Variants in NRAP observed in about 807,000 individuals in gnomAD.
NRAP encodes the protein nebulin related anchoring protein, also known as nebulin-related-anchoring protein.
In NRAP, 189 loss-of-function variants were observed where a neutral mutation model predicts 225.9. The ratio of observed to expected loss-of-function variants is 0.84; its 90% CI spans 0.74 to 0.94. The LOEUF (loss-of-function observed/expected upper bound fraction) is 0.94. Ranked by LOEUF, NRAP falls within the 40% of genes least tolerant of loss-of-function variation. The probability of loss-of-function intolerance (pLI) is 0.00; values close to 1 mark genes in which losing one functional copy is unlikely to be tolerated. For synonymous variants in NRAP, 769 were observed against 790.7 expected (o/e 0.97, Z 0.46); for missense variants, 2,176 against 2,168.7 (o/e 1.00, Z -0.07).
At chr10:113,589,286 C>T (rs1845788968) in intron 41 of NRAP, 1 of 586,120 alleles carries the variant, frequency 1.7e-6, no homozygotes, top group Non-Finnish European at 3.0e-6. Flanking sequence ...TTAGACCTGG[C>T]TTCTTTCTTC....
At chr10:113,621,737 C>A (rs529783356) in intron 24 of NRAP, 132 bp downstream of exon 24, 4 of 781,472 alleles carry the variant, frequency 5.1e-6, no homozygotes, top group Non-Finnish European at 8.2e-6. Context: ...TAAAGTGTTG[C>A]CACTTAGGGA....
rs751450844 is a variant in NRAP at position 113,617,572 on chromosome 10, T to C, written c.2875-19A>G. ...ACTTCTTCTGTTGAGCAGAAAAAGA[T>C]CAAAGCTGTGAATTTTGTGCTGCTC... On this transcript the variant is annotated intron_variant, in intron 25 of 41. Coordinates refer to ENST00000359988, the MANE Select transcript of NRAP (RefSeq NM_198060.4). 25 of 1,469,828 alleles carry C rather than the reference T, an allele frequency of 1.7e-5. No individual in the cohort carries two copies. Among genetic ancestry groups the C allele is most frequent in the Non-Finnish European group, 2.1e-5 (22 of 1,048,426 alleles). The allele number at this position is 1,469,828 out of a possible 1,614,324, so 91.0% of individuals were successfully genotyped here.
intron 35 of NRAP, among the ~76,000 whole-genome samples, chr10:113,604,313 C>T (rs1046461048): frequency 7.9e-5 from 12 of 152,076 alleles, no homozygotes; most frequent in Admixed American, 1.3e-4. Context: ...GACGGGGTTT[C>T]GCCATGTTGG....
Position 113,634,094 on chromosome 10 carries a change from G to A in NRAP, c.1527+18C>T. The A allele has an allele frequency of 6.4e-7, 1 of 1,563,910 alleles. No homozygotes were observed. The highest frequency in any genetic ancestry group is 8.8e-7 in the Non-Finnish European group (1 of 1,134,422). On this transcript the variant is annotated intron_variant, in intron 15 of 41. Transcript: ENST00000359988. ...TTTCAAGACCCCTACATCCAGCTGG[G>A]CAGGGACAGTTACTTACATGACTCA...
chr10:113,641,312 C>A lies in NRAP; in HGVS notation c.1323+53G>T, dbSNP rs1229891316. 6 of 1,075,208 alleles carry A rather than the reference C, an allele frequency of 5.6e-6. No homozygotes were observed. In the African/African-American group the frequency reaches 8.0e-5, roughly 14 times the overall value. The allele number at this position is 1,075,208 out of a possible 1,614,324, so 66.6% of individuals were successfully genotyped here. On this transcript the variant is annotated intron_variant, in intron 13 of 41. Coordinates refer to ENST00000359988, the MANE Select transcript of NRAP (RefSeq NM_198060.4). ...GAATTTAAAAAGAATTGGCTGAATT[C>A]TTCATGCCCTGCCCCACTCCATCCC...
rs1204262000 is a variant in NRAP, at chr10:113,663,983, T to A, written c.-101A>T. 8.0e-6 allele frequency: 7 copies of A among 876,668 alleles called. No individual in the cohort carries two copies. Among genetic ancestry groups the A allele is most frequent in the Non-Finnish European group, 1.1e-5 (6 of 525,546 alleles). 54.3% of individuals were successfully genotyped at this position (876,668 alleles called of 1,614,324 possible). The stretch of plus-strand genomic sequence containing the variant: ...TCTTCAAAATCCGACGACCATAAAA[T>A]TCCTGTGGGCACCTCGATCTTTCAG... On this transcript the variant is annotated 5_prime_UTR_variant, in exon 1 of 42. Coordinates refer to ENST00000359988, the MANE Select transcript of NRAP (RefSeq NM_198060.4).
At chr10:113,616,230 G>A (rs746255239) in intron 26 of NRAP, among the ~76,000 whole-genome samples, 10 of 152,078 alleles carry the variant, frequency 6.6e-5, no homozygotes, top group Admixed American at 2.0e-4. Flanking sequence ...ATCCTCCTCC[G>A]TTCCCCCGTC....
rs772110856 is a variant in NRAP, at chr10:113,633,125, G to A, written c.1591C>T (p.Gln531Ter). Residue 531 changes from glutamine to a stop codon, truncating the protein, a stop_gained, in exon 16 of 42, where the codon CAG (glutamine) becomes TAG (stop). Coordinates refer to ENST00000359988, the MANE Select transcript of NRAP (RefSeq NM_198060.4). LOFTEE classifies it high-confidence loss of function. ...GCATTGGTTTTGGCCTTCACCAGCT[G>A]AGGAACATCCTGGGGCAATGTGTAA... ...LNYTLPQDVPQLVKAKTNAKL... is the reference protein window; with the variant it reads ...LNYTLPQDVP The A allele has an allele frequency of 6.8e-6, 11 of 1,609,564 alleles. No homozygotes were observed. The Admixed American group carries it at 1.0e-4, about 15-fold the overall frequency.
intron 38 of NRAP, among the ~76,000 whole-genome samples, chr10:113,592,822 A>G (rs1846068784): frequency 6.6e-6 from 1 of 151,850 alleles, no homozygotes; most frequent in Non-Finnish European, 1.5e-5. Flanking sequence ...TCTCATATAC[A>G]CCCCTGGTGC....
At chr10:113,609,339 T>C (rs966591961) in intron 31 of NRAP, among the ~76,000 whole-genome samples, 4 of 152,088 alleles carry the variant, frequency 2.6e-5, no homozygotes, top group Non-Finnish European at 4.4e-5. Flanking sequence ...GCTTTAGAGA[T>C]TTCTCTGGAA....
At chr10:113,617,304 C>A in intron 26 of NRAP, 151 bp downstream of exon 26, 1 of 518,090 alleles carries the variant, frequency 1.9e-6, no homozygotes, top group Non-Finnish European at 3.5e-6. Context: ...TGAGGAAGCA[C>A]CCCCCGCTAA....
At chr10:113,662,434 A>G (rs916300504) in intron 3 of NRAP, among the ~76,000 whole-genome samples, 3 of 152,122 alleles carry the variant, frequency 2.0e-5, no homozygotes, top group Non-Finnish European at 4.4e-5. Flanking sequence ...ACATTACAAC[A>G]TGTTCCTTCT....
chr10:113,642,629 C>T (rs141133557), intron 12 of NRAP, among the ~76,000 whole-genome samples: 1 of 152,290 alleles, frequency 6.6e-6, no homozygotes, highest in African/African-American at 2.4e-5. Context: ...CATGCTCAGC[C>T]AGGCCCCCTC....
chr10:113,597,958 G>T lies in NRAP; in HGVS notation c.4332+11C>A, dbSNP rs747594741. On this transcript the variant is annotated intron_variant, in intron 36 of 41. Coordinates refer to ENST00000359988, the MANE Select transcript of NRAP (RefSeq NM_198060.4). ...CCCTTGTCACTTGTGGTGGGGACAGGTTGATGGTACCTCGCTGATGAGTTC... is the reference window on the plus strand; with the variant it reads ...CCCTTGTCACTTGTGGTGGGGACAGTTTGATGGTACCTCGCTGATGAGTTC... 1 of 1,579,128 alleles carries T rather than the reference G, an allele frequency of 6.3e-7. No individual in the cohort carries two copies. The highest frequency in any genetic ancestry group is 1.1e-5 in the South Asian group (1 of 90,306).
At chr10:113,635,101 TA>T (rs1848792788) in intron 14 of NRAP, among the ~76,000 whole-genome samples, 1 of 152,254 alleles carries the variant, frequency 6.6e-6, no homozygotes, top group Admixed American at 6.5e-5. Flanking sequence ...CATCAAGGAC[TA>T]GGAATTTTCC....
intron 22 of NRAP, among the ~76,000 whole-genome samples, chr10:113,624,526 T>A (rs1272308106): frequency 6.6e-6 from 1 of 152,104 alleles, no homozygotes; most frequent in African/African-American, 2.4e-5. Flanking sequence ...GAGCTCTTAC[T>A]CCCCTCTAAC....
At chr10:113,641,922 T>G (rs942871946) in intron 12 of NRAP, among the ~76,000 whole-genome samples, 27 of 152,202 alleles carry the variant, frequency 1.8e-4, no homozygotes, top group African/African-American at 6.5e-4. Context: ...AAACCTGAGC[T>G]TTGCCAAATT....
intron 7 of NRAP, among the ~76,000 whole-genome samples, chr10:113,651,433 C>T (rs568363494): frequency 6.6e-6 from 1 of 152,152 alleles, no homozygotes; most frequent in East Asian, 1.9e-4. Context: ...ACGTATCAGC[C>T]CATCACCTAG....
At chr10:113,644,786 G>A (rs375371631) in intron 11 of NRAP, among the ~76,000 whole-genome samples, 13 of 152,124 alleles carry the variant, frequency 8.5e-5, no homozygotes, top group African/African-American at 2.2e-4. Context: ...GGTTAGAGAC[G>A]GAAAATATTT....
Sources: allele counts gnomAD v4.1 joint callset (sites outside exome capture counted in the v4.1 genomes callset), GRCh38; gene constraint gnomAD v4.1.1; transcripts MANE v1.5; gene names NCBI Gene and HGNC (gene_info 2026-07-23, HGNC 2026-07-21).